The following MAP4K4 variants were observed in gnomAD, a reference collection of about 807,000 sequenced individuals.
MAP4K4 encodes the protein mitogen-activated protein kinase kinase kinase kinase 4.
MAP4K4 carries 38 observed loss-of-function variants against 189.6 expected under a neutral mutation model. That is an observed-to-expected ratio of 0.20 (90% confidence interval 0.15 to 0.26). The LOEUF (loss-of-function observed/expected upper bound fraction) is 0.26. MAP4K4 is among the 10% of genes least tolerant of loss of function. The pLI, the probability that MAP4K4 is intolerant of heterozygous loss-of-function variation, is 1.00. For missense variants in MAP4K4, 1,054 were observed against 1,726.9 expected, an observed-to-expected ratio of 0.61 and a Z score of 6.91; for synonymous variants, 610 against 624.3, an observed-to-expected ratio of 0.98 and a Z score of 0.34.
chr2:101,838,157 A>T (rs568342017), intron 9 of MAP4K4, among the ~76,000 whole-genome samples: 1 of 152,194 alleles, frequency 6.6e-6, no homozygotes, highest in Admixed American at 6.5e-5. Flanking sequence ...TGATTCCGAG[A>T]TGTTAGTCTG....
At chr2:101,748,836 A>G (rs890971661) in intron 2 of MAP4K4, among the ~76,000 whole-genome samples, 24 of 148,748 alleles carry the variant, frequency 1.6e-4, no homozygotes, top group Non-Finnish European at 3.4e-4. Context: ...TCAATGTACA[A>G]AAATCACAAG....
intron 10 of MAP4K4, 128 bp downstream of exon 10, chr2:101,840,122 T>C: frequency 1.3e-5 from 12 of 902,698 alleles, no homozygotes; most frequent in Non-Finnish European, 1.8e-5. Context: ...GTTTCTCTGC[T>C]TGCGGTTCAG....
intron 2 of MAP4K4, among the ~76,000 whole-genome samples, chr2:101,750,239 A>G (rs1459812492): frequency 6.9e-6 from 1 of 144,138 alleles, no homozygotes; most frequent in East Asian, 2.0e-4. Flanking sequence ...TATTCACAAT[A>G]GCAAAGACTT....
Position 101,846,838 on chromosome 2 carries a change from T to C in MAP4K4, c.1233+2527T>C, listed in dbSNP as rs905586666. Reference sequence around the variant, plus strand: ...GGATTTTTGGTCAGCTAGCTGCTTGTTACTAGCCTGGGTAATTAAGCTTTA... The same window carrying C: ...GGATTTTTGGTCAGCTAGCTGCTTGCTACTAGCCTGGGTAATTAAGCTTTA... On this transcript the variant is annotated intron_variant, in intron 12 of 32. Transcript: ENST00000324219. 9.2e-5 allele frequency among the ~76,000 whole-genome samples: 14 copies of C among 152,320 alleles called. No individual in the cohort carries two copies. In the East Asian group the frequency reaches 2.7e-3, roughly 29 times the overall value.
intron 2 of MAP4K4, among the ~76,000 whole-genome samples, chr2:101,700,212 C>T (rs2037568328): frequency 6.6e-6 from 1 of 152,154 alleles, no homozygotes; most frequent in Admixed American, 6.5e-5. Context: ...AAGAATGAAA[C>T]CCCAGTTTGT....
chr2:101,881,281 C>T (rs1259171794), intron 27 of MAP4K4, among the ~76,000 whole-genome samples: 3 of 152,068 alleles, frequency 2.0e-5, no homozygotes, highest in African/African-American at 4.8e-5. Flanking sequence ...TGATTTGTTG[C>T]TGGTATACAG....
intron 23 of MAP4K4, chr2:101,870,742 C>A: frequency 4.2e-6 from 1 of 237,994 alleles, no homozygotes; most frequent in Non-Finnish European, 8.4e-6. Flanking sequence ...AGTGAGGAAG[C>A]AGGTCTGGAG....
chr2:101,712,759 G>A (rs909574639), intron 2 of MAP4K4, among the ~76,000 whole-genome samples: 4 of 151,770 alleles, frequency 2.6e-5, no homozygotes, highest in Non-Finnish European at 2.9e-5. Flanking sequence ...GCCTCTCCAC[G>A]TGCAGGGATT....
exon 26 of MAP4K4, chr2:101,874,209 C>T (rs1326550529): frequency 6.2e-7 from 1 of 1,612,858 alleles, no homozygotes; most frequent in South Asian, 1.1e-5. Flanking sequence ...TTCGTAAATA[C>T]AAGAAGAGGT....
At position 101,872,157 on chromosome 2, in the gene MAP4K4, AT is replaced by A. The variant is rs925518664; in HGVS notation, c.2952+486del. ...CAGGAATCTCTTTCAAACAGAACTG[AT>A]TTTTTTTTTTTTTCTTGTTTGGGGG... On this transcript the variant is annotated intron_variant, in intron 24 of 32. Transcript: ENST00000324219. 4.2e-3 allele frequency among the ~76,000 whole-genome samples: 595 copies of A among 140,434 alleles called. 2 individuals carry two copies. The highest frequency in any genetic ancestry group is 7.9e-3 in the African/African-American group (305 of 38,422). 92.1% of individuals were successfully genotyped at this position (140,434 alleles called of 152,430 possible). A position where few individuals can be genotyped will look rare whatever the true frequency, so the allele number is the denominator to read the frequency against.
At chr2:101,708,512 G>T (rs1435305745) in intron 2 of MAP4K4, among the ~76,000 whole-genome samples, 1 of 152,240 alleles carries the variant, frequency 6.6e-6, no homozygotes, top group Non-Finnish European at 1.5e-5. Flanking sequence ...ATGCCAAGCA[G>T]TGCCATGGTA....
At chr2:101,717,637 C>A (rs1248884955) in intron 2 of MAP4K4, among the ~76,000 whole-genome samples, 1 of 152,176 alleles carries the variant, frequency 6.6e-6, no homozygotes, top group Non-Finnish European at 1.5e-5. Context: ...GCACATGGGA[C>A]TGTCTGTGGT....
At chr2:101,825,595 A>G (rs990275647) in intron 5 of MAP4K4, among the ~76,000 whole-genome samples, 166 bp downstream of exon 5, 1 of 152,222 alleles carries the variant, frequency 6.6e-6, no homozygotes, top group African/African-American at 2.4e-5. Context: ...TTTAAGCTAC[A>G]TCATGATTTG....
chr2:101,721,595 C>G (rs1303456900), intron 2 of MAP4K4, among the ~76,000 whole-genome samples: 1 of 152,088 alleles, frequency 6.6e-6, no homozygotes, highest in Admixed American at 6.5e-5. Flanking sequence ...GCCACCATGC[C>G]TGGCTAATTT....
intron 10 of MAP4K4, among the ~76,000 whole-genome samples, chr2:101,841,703 G>C (rs567812063): frequency 3.4e-4 from 51 of 152,176 alleles, no homozygotes; most frequent in Admixed American, 1.1e-3. Context: ...CCCTGATCTC[G>C]TGATCTGCCC....
intron 2 of MAP4K4, among the ~76,000 whole-genome samples, chr2:101,759,356 G>A (rs576452383): frequency 5.9e-5 from 9 of 151,866 alleles, no homozygotes; most frequent in Non-Finnish European, 1.0e-4. Context: ...CTGAGTTGGC[G>A]GTCCTGAATT....
At chr2:101,841,732 G>T (rs1389733329) in intron 10 of MAP4K4, among the ~76,000 whole-genome samples, 4 of 152,124 alleles carry the variant, frequency 2.6e-5, no homozygotes, top group African/African-American at 9.7e-5. Flanking sequence ...CTCCCAAAGT[G>T]CTGGGATTAC....
chr2:101,715,152 C>G (rs1360798706), intron 2 of MAP4K4, among the ~76,000 whole-genome samples: 1 of 152,162 alleles, frequency 6.6e-6, no homozygotes, highest in East Asian at 1.9e-4. Flanking sequence ...TCCTGAGGCT[C>G]CTTTTTCTAA....
intron 3 of MAP4K4, among the ~76,000 whole-genome samples, chr2:101,802,127 TCTC>T (rs1473621724): frequency 6.6e-6 from 1 of 152,166 alleles, no homozygotes; most frequent in Non-Finnish European, 1.5e-5. Flanking sequence ...AGTCTGATGG[TCTC>T]CTCATAGTCT....
Sources: allele counts gnomAD v4.1 joint callset (sites outside exome capture counted in the v4.1 genomes callset), GRCh38; gene constraint gnomAD v4.1.1; transcripts MANE v1.5; gene names NCBI Gene and HGNC (gene_info 2026-07-23, HGNC 2026-07-21).